The following CYP2C18 variants were observed in gnomAD, a reference collection of about 807,000 sequenced individuals.
The protein encoded by CYP2C18 is cytochrome P450 2C18.
In CYP2C18, 38 loss-of-function variants were observed where a neutral mutation model predicts 41.3. The observed-to-expected ratio is 0.92, with a 90% CI of 0.71 to 1.21. The LOEUF (loss-of-function observed/expected upper bound fraction) is 1.21. CYP2C18 is among the 50% of genes most tolerant of loss of function. The pLI is 0.00. For missense variants in CYP2C18, 635 were observed against 591.4 expected, an observed-to-expected ratio of 1.07 and a Z score of -0.77; for synonymous variants, 236 against 210.0, an observed-to-expected ratio of 1.12 and a Z score of -1.07.
intron 7 of CYP2C18, among the ~76,000 whole-genome samples, chr10:94,728,324 T>A (rs1847776186): frequency 6.6e-6 from 1 of 152,154 alleles, no homozygotes; most frequent in Non-Finnish European, 1.5e-5. Context: ...GCGGTCCACA[T>A]TTTGTAAGCC....
At chr10:94,696,285 T>G (rs1031375990) in intron 4 of CYP2C18, among the ~76,000 whole-genome samples, 3 of 152,046 alleles carry the variant, frequency 2.0e-5, no homozygotes, top group African/African-American at 7.2e-5. Flanking sequence ...AGACAAAACT[T>G]CCAGAGGAAC....
chr10:94,686,830 C>T (rs1846896819), intron 1 of CYP2C18, among the ~76,000 whole-genome samples: 1 of 152,162 alleles, frequency 6.6e-6, no homozygotes, highest in African/African-American at 2.4e-5. Flanking sequence ...GCTTTCTTTG[C>T]TTCACAGTCA....
At chr10:94,695,181 T>G (rs1487372659) in intron 4 of CYP2C18, 104 bp downstream of exon 4, 1 of 1,061,934 alleles carries the variant, frequency 9.4e-7, no homozygotes, top group East Asian at 2.6e-5. Context: ...CTGGGATATG[T>G]GTGCAGAATG....
chr10:94,701,324 A>C (rs1847239763), intron 4 of CYP2C18, among the ~76,000 whole-genome samples: 1 of 152,222 alleles, frequency 6.6e-6, no homozygotes, highest in African/African-American at 2.4e-5. Flanking sequence ...TTGTAAGGAC[A>C]TGGATGAAGC....
At chr10:94,703,923 A>G (rs1847289781) in intron 4 of CYP2C18, among the ~76,000 whole-genome samples, 1 of 152,148 alleles carries the variant, frequency 6.6e-6, no homozygotes, top group Non-Finnish European at 1.5e-5. Flanking sequence ...AGACCGTGGG[A>G]AAATTGTAGT....
Position 94,706,902 on chromosome 10 carries a change from C to A in CYP2C18, c.761C>A (p.Ser254Tyr), listed in dbSNP as rs766360503. 1 of 1,612,642 alleles carries A rather than the reference C, an allele frequency of 6.2e-7. No individual in the cohort carries two copies. The highest frequency in any genetic ancestry group is 8.5e-7 in the Non-Finnish European group (1 of 1,179,316). ...VLERIKEHQE[S>Y]LDMNSARDFI... The stretch of plus-strand genomic sequence containing the variant: ...GAGAGAATAAAAGAACATCAAGAAT[C>A]CCTGGACATGAACAGTGCTCGGGAC... The change falls in exon 5 of 9, where the codon TCC (serine) becomes TAC (tyrosine). Residue 254 changes from serine to tyrosine, a missense_variant. By Grantham distance (144) the Ser-to-Tyr change is moderately radical. Transcript: ENST00000285979.
intron 5 of CYP2C18, among the ~76,000 whole-genome samples, chr10:94,711,493 G>A (rs1847435064): frequency 1.3e-5 from 2 of 151,764 alleles, no homozygotes; most frequent in Admixed American, 6.6e-5. Flanking sequence ...ACTTTAGCTC[G>A]ACCTTCTGGA....
intron 7 of CYP2C18, among the ~76,000 whole-genome samples, chr10:94,728,230 T>C (rs1447199775): frequency 6.6e-6 from 1 of 152,160 alleles, no homozygotes; most frequent in African/African-American, 2.4e-5. Flanking sequence ...TTAGAATTTT[T>C]TTTTGACAAT....
chr10:94,696,906 G>A (rs1847128430), intron 4 of CYP2C18, among the ~76,000 whole-genome samples: 1 of 152,134 alleles, frequency 6.6e-6, no homozygotes, highest in African/African-American at 2.4e-5. Flanking sequence ...TTAATGAAAT[G>A]AAGTGAGAAG....
rs1192959751 is a variant in CYP2C18 at position 94,730,208 on chromosome 10, A to G, written c.1150-3089A>G. On this transcript the variant is annotated intron_variant, in intron 7 of 8. Transcript: ENST00000285979. ...CAGTTAACTTGGGGCTAAGTCATATATACACATCCCATACTCATAAATGAA... is the reference window on the plus strand; with the variant it reads ...CAGTTAACTTGGGGCTAAGTCATATGTACACATCCCATACTCATAAATGAA... Among the ~76,000 whole-genome samples the G allele has an allele frequency of 3.3e-5, 5 of 152,188 alleles. 1 individual carries two copies. Among genetic ancestry groups the G allele is most frequent in the Non-Finnish European group, 7.4e-5 (5 of 68,026 alleles).
intron 3 of CYP2C18, among the ~76,000 whole-genome samples, chr10:94,691,207 C>G (rs1272464851): frequency 3.3e-5 from 5 of 152,062 alleles, no homozygotes; most frequent in African/African-American, 1.2e-4. Context: ...AAAGGGCATT[C>G]AATTAGGAAA....
At chr10:94,696,197 T>A (rs1332508974) in intron 4 of CYP2C18, among the ~76,000 whole-genome samples, 1 of 152,202 alleles carries the variant, frequency 6.6e-6, no homozygotes, top group Admixed American at 6.5e-5. Flanking sequence ...AGTGGGTCCC[T>A]GACCCCCCAG....
chr10:94,700,166 C>CAT (rs1847208259), intron 4 of CYP2C18, among the ~76,000 whole-genome samples: 5 of 152,170 alleles, frequency 3.3e-5, no homozygotes, highest in African/African-American at 7.2e-5. Flanking sequence ...GCCCGCATTG[C>CAT]CAAGTCAATC....
At chr10:94,717,823 A>T (rs959090531) in intron 5 of CYP2C18, among the ~76,000 whole-genome samples, 1 of 152,026 alleles carries the variant, frequency 6.6e-6, no homozygotes, top group Non-Finnish European at 1.5e-5. Flanking sequence ...GTCCATTTTT[A>T]TGCCAGTACC....
intron 7 of CYP2C18, among the ~76,000 whole-genome samples, chr10:94,727,728 G>A (rs1847766494): frequency 1.3e-5 from 2 of 152,042 alleles, no homozygotes; most frequent in African/African-American, 4.8e-5. Flanking sequence ...CAACTATTAT[G>A]TAGCATAATA....
At chr10:94,709,669 AT>A (rs1472579245) in intron 5 of CYP2C18, among the ~76,000 whole-genome samples, 2 of 152,088 alleles carry the variant, frequency 1.3e-5, no homozygotes, top group African/African-American at 2.4e-5. Context: ...TTAAGAAATG[AT>A]TTCTTAGTCC....
intron 3 of CYP2C18, among the ~76,000 whole-genome samples, chr10:94,694,204 A>C (rs1409600445): frequency 6.6e-6 from 1 of 152,096 alleles, no homozygotes; most frequent in Non-Finnish European, 1.5e-5. Context: ...TTTTTCTTTG[A>C]ATATTGAAAT....
In CYP2C18 at chr10:94,735,605, AAG is replaced by A; in HGVS notation, c.*166_*167del. On this transcript the variant is annotated 3_prime_UTR_variant, in exon 9 of 9. Coordinates refer to ENST00000285979, the MANE Select transcript of CYP2C18 (RefSeq NM_000772.3). ...TCCAATGAACATCCAACCTCCATTA[AAG>A]AGAGTTTCTTGGGTCACTTCCTAAA... The A allele has an allele frequency of 4.3e-6, 3 of 698,988 alleles. No individual in the cohort carries two copies. Among genetic ancestry groups the A allele is most frequent in the South Asian group, 3.8e-5 (2 of 53,256 alleles). 43.3% of individuals were successfully genotyped at this position (698,988 alleles called of 1,614,324 possible).
chr10:94,723,442 TTAG>T (rs1847681112), intron 6 of CYP2C18, among the ~76,000 whole-genome samples: 1 of 152,152 alleles, frequency 6.6e-6, no homozygotes, highest in Admixed American at 6.5e-5. Flanking sequence ...TAGAAAATTA[TTAG>T]TAAGAGTTTG....
Sources: allele counts gnomAD v4.1 joint callset (sites outside exome capture counted in the v4.1 genomes callset), GRCh38; gene constraint gnomAD v4.1.1; transcripts MANE v1.5; gene names NCBI Gene and HGNC (gene_info 2026-07-23, HGNC 2026-07-21).